DACH2: variants seen among roughly 807,000 people sequenced by gnomAD.
DACH2 encodes the protein dachshund homolog 2.
In DACH2, 17 loss-of-function variants were observed where a neutral mutation model predicts 35.8. The ratio of observed to expected loss-of-function variants is 0.48; its 90% CI spans 0.33 to 0.71. The LOEUF (loss-of-function observed/expected upper bound fraction) is 0.71. Among genes scored for constraint, DACH2 ranks in the 30% least tolerant of loss-of-function variants. DACH2 has a pLI of 0.02. For missense variants in DACH2, 469 were observed against 472.7 expected, an observed-to-expected ratio of 0.99 and a Z score of 0.07; for synonymous variants, 195 against 177.3, an observed-to-expected ratio of 1.10 and a Z score of -0.79.
At chrX:86,779,116 A>G (rs759413350) in intron 7 of DACH2, among the ~76,000 whole-genome samples, 2 of 111,969 alleles carry the variant, frequency 1.8e-5, no homozygotes, top group East Asian at 5.6e-4. Flanking sequence ...TTGCATATTA[A>G]TGTCTATTAC....
intron 1 of DACH2, among the ~76,000 whole-genome samples, chrX:86,276,766 C>G (rs770474338): frequency 7.1e-5 from 8 of 112,170 alleles, no homozygotes; most frequent in Non-Finnish European, 1.5e-4. Flanking sequence ...ATTTTCCCAG[C>G]ACTCTTTACT....
In DACH2 at chrX:86,815,588, T is replaced by TAC. The variant is rs1421441122; in HGVS notation, c.1685-438_1685-437dup. Among the ~76,000 whole-genome samples, 5 of 106,572 alleles carry TAC rather than the reference T, an allele frequency of 4.7e-5. No individual in the cohort carries two copies. The East Asian group carries it at 1.2e-3, about 25-fold the overall frequency. 92.5% of individuals were successfully genotyped at this position (106,572 alleles called of 115,157 possible). On this transcript the variant is annotated intron_variant, in intron 10 of 11. Transcript: ENST00000373125. ...CAGTTGCACTTACTATATATATATA[T>TAC]ACACACACATATATGTATATACACA...
intron 3 of DACH2, among the ~76,000 whole-genome samples, chrX:86,526,756 A>G (rs2038639392): frequency 9.1e-6 from 1 of 110,001 alleles, no homozygotes; most frequent in African/African-American, 3.3e-5. Context: ...TGGGTTAGCA[A>G]ATCGTGCTTT....
rs912065470 is a variant in DACH2, at chrX:86,293,908, G to T, written c.489-82916G>T. 5.6e-4 allele frequency among the ~76,000 whole-genome samples: 62 copies of T among 110,561 alleles called. 1 individual carries two copies. Among genetic ancestry groups the T allele is most frequent in the Admixed American group, 2.3e-3 (24 of 10,330 alleles). ...AATCTGACAATTATGTGTCTTGGAG[G>T]TGCTCTTCTCGAGGAGTATCTTTGT... is the stretch of plus-strand genomic sequence containing the variant. On this transcript the variant is annotated intron_variant, in intron 1 of 11. Coordinates refer to ENST00000373125, the MANE Select transcript of DACH2 (RefSeq NM_053281.3).
chrX:86,293,407 C>A (rs1427665353), intron 1 of DACH2, among the ~76,000 whole-genome samples: 3 of 108,093 alleles, frequency 2.8e-5, no homozygotes, highest in Non-Finnish European at 5.7e-5. Context: ...TTAATTGGAG[C>A]ATTTAGTCCA....
chrX:86,698,247 A>G (rs986509559), intron 5 of DACH2, among the ~76,000 whole-genome samples: 9 of 109,525 alleles, frequency 8.2e-5, no homozygotes, highest in African/African-American at 3.0e-4. Context: ...AAATATGTAT[A>G]TTTAAAACCC....
intron 7 of DACH2, among the ~76,000 whole-genome samples, chrX:86,757,839 A>G (rs1245547405): frequency 8.9e-6 from 1 of 112,178 alleles, no homozygotes. Flanking sequence ...CTGCAGAACC[A>G]TAAGCCAATT....
chrX:86,811,676 G>A (rs918725182), intron 7 of DACH2, among the ~76,000 whole-genome samples: 2 of 111,577 alleles, frequency 1.8e-5, no homozygotes, highest in East Asian at 2.8e-4. Flanking sequence ...TCAACTAAGA[G>A]TAACTGAATT....
At chrX:86,329,735 T>C (rs1181214524) in intron 1 of DACH2, among the ~76,000 whole-genome samples, 3 of 111,340 alleles carry the variant, frequency 2.7e-5, no homozygotes, top group Admixed American at 1.9e-4. Context: ...ATAGCTTTAT[T>C]TTAGATCATG....
chrX:86,399,387 G>A (rs984554082), intron 2 of DACH2, among the ~76,000 whole-genome samples: 3 of 111,543 alleles, frequency 2.7e-5, no homozygotes, highest in Non-Finnish European at 3.8e-5. Context: ...TTACATTTAA[G>A]GTTAGTACTG....
chrX:86,162,441 A>G (rs1431111163), intron 1 of DACH2, among the ~76,000 whole-genome samples: 1 of 111,479 alleles, frequency 9.0e-6, no homozygotes, highest in African/African-American at 3.3e-5. Context: ...ACTAACTGAT[A>G]GGTGGGAAGT....
chrX:86,617,158 A>T, intron 3 of DACH2, among the ~76,000 whole-genome samples: 1 of 111,524 alleles, frequency 9.0e-6, no homozygotes. Context: ...TGTTTTGGTT[A>T]TTGTAGCCCT....
intron 6 of DACH2, among the ~76,000 whole-genome samples, chrX:86,720,804 G>T (rs2041397046): frequency 8.9e-6 from 1 of 112,719 alleles, no homozygotes; most frequent in African/African-American, 3.2e-5. Context: ...CACTGCCCTA[G>T]CAGAAGTTCT....
At chrX:86,675,519 T>C (rs2040815947) in intron 4 of DACH2, among the ~76,000 whole-genome samples, 1 of 110,679 alleles carries the variant, frequency 9.0e-6, no homozygotes, top group Non-Finnish European at 1.9e-5. Context: ...AGATCGTCCC[T>C]AGAAAAACAC....
At position 86,784,463 on chromosome X, in the gene DACH2, A is replaced by C. The variant is rs2042118835; in HGVS notation, c.1241-28393A>C. Among the ~76,000 whole-genome samples the C allele has an allele frequency of 3.6e-5, 4 of 112,134 alleles. No individual in the cohort carries two copies. In the Admixed American group the frequency reaches 3.8e-4, roughly 11 times the overall value. ...CACACCAGTCAAAATGGCTATCAAT[A>C]AAAAATCAAAAATAACAGATGCTGG... is the stretch of plus-strand genomic sequence containing the variant. On this transcript the variant is annotated intron_variant, in intron 7 of 11. Coordinates refer to ENST00000373125, the MANE Select transcript of DACH2 (RefSeq NM_053281.3).
chrX:86,337,237 A>G (rs1285654144), intron 1 of DACH2, among the ~76,000 whole-genome samples: 2 of 111,191 alleles, frequency 1.8e-5, no homozygotes, highest in African/African-American at 6.5e-5. Flanking sequence ...TGCCACAAAG[A>G]TACTCCTCGA....
In DACH2 at chrX:86,624,054, AC is replaced by A. The variant is rs1569454755; in HGVS notation, c.641-26981del. Among the ~76,000 whole-genome samples, 62 of 58,461 alleles carry A rather than the reference AC, an allele frequency of 1.1e-3. 6 individuals are homozygous for A. Among genetic ancestry groups the A allele is most frequent in the African/African-American group, 3.8e-3 (50 of 13,218 alleles). 50.8% of individuals were successfully genotyped at this position (58,461 alleles called of 115,157 possible). A position where few individuals can be genotyped will look rare whatever the true frequency, so the allele number is the denominator to read the frequency against. ...CAGAGCGAAACTCCGTCTCAAAAAA[AC>A]AAAACAAAAAAAAAAAAAAAAAAAA... On this transcript the variant is annotated intron_variant, in intron 3 of 11. Coordinates refer to ENST00000373125, the MANE Select transcript of DACH2 (RefSeq NM_053281.3).
At chrX:86,643,331 A>T (rs1187929540) in intron 3 of DACH2, among the ~76,000 whole-genome samples, 1 of 110,951 alleles carries the variant, frequency 9.0e-6, no homozygotes, top group Non-Finnish European at 1.9e-5. Flanking sequence ...AGCTACTACA[A>T]ACATTTCTAC....
chrX:86,244,400 G>T (rs1489249505), intron 1 of DACH2, among the ~76,000 whole-genome samples: 2 of 112,141 alleles, frequency 1.8e-5, no homozygotes, highest in African/African-American at 6.5e-5. Context: ...TTAGATGGAG[G>T]TGTAAGCAGT....
Sources: allele counts gnomAD v4.1 joint callset (sites outside exome capture counted in the v4.1 genomes callset), GRCh38; gene constraint gnomAD v4.1.1; transcripts MANE v1.5; gene names NCBI Gene and HGNC (gene_info 2026-07-23, HGNC 2026-07-21).